MOCS1: variants seen among roughly 807,000 people sequenced by gnomAD.
MOCS1 encodes the protein molybdenum cofactor biosynthesis protein 1.
MOCS1 carries 39 observed loss-of-function variants against 57.6 expected under a neutral mutation model. The observed-to-expected ratio is 0.68, with a 90% CI of 0.52 to 0.88. MOCS1 has a LOEUF of 0.88. Ranked by LOEUF, MOCS1 falls within the 40% of genes least tolerant of loss-of-function variation. The pLI is 0.00. For synonymous variants in MOCS1, 334 were observed against 335.7 expected, an observed-to-expected ratio of 1.00 and a Z score of 0.05; for missense variants, 795 against 831.1, an observed-to-expected ratio of 0.96 and a Z score of 0.53.
chr6:39,930,484 T>C (rs1173790865), intron 1 of MOCS1, among the ~76,000 whole-genome samples: 1 of 152,220 alleles, frequency 6.6e-6, no homozygotes, highest in Non-Finnish European at 1.5e-5. Context: ...CAAATAGTCC[T>C]GTCCCTAATG....
chr6:39,919,214 G>A (rs1410875032), intron 3 of MOCS1, among the ~76,000 whole-genome samples: 1 of 152,206 alleles, frequency 6.6e-6, no homozygotes, highest in Non-Finnish European at 1.5e-5. Flanking sequence ...GCCAGGCACG[G>A]TGGCTGATGG....
Position 39,912,269 on chromosome 6 carries a change from G to A in MOCS1, c.976C>T (p.Leu326Phe). Reference sequence around the variant, plus strand: ...GTGGAGGAGGGGATGCTCACCTTGAGGTTCCCATCAGCTGTGATTCGCAGG... The same window carrying A: ...GTGGAGGAGGGGATGCTCACCTTGAAGTTCCCATCAGCTGTGATTCGCAGG... ...NRLRITADGN[L>F]KVCLFGNSEV... The change falls in exon 8 of 11, where the codon CTC (leucine) becomes TTC (phenylalanine). Residue 326 changes from leucine to phenylalanine, a missense_variant. Leu to Phe is a conservative substitution (Grantham distance 22, BLOSUM62 0). Transcript: ENST00000340692. 6.2e-7 allele frequency: 1 copy of A among 1,610,772 alleles called. No individual in the cohort carries two copies. The highest frequency in any genetic ancestry group is 1.1e-5 in the South Asian group (1 of 90,960).
chr6:39,925,444 G>C (rs1768221134), intron 3 of MOCS1, among the ~76,000 whole-genome samples: 1 of 152,198 alleles, frequency 6.6e-6, no homozygotes, highest in Non-Finnish European at 1.5e-5. Flanking sequence ...GTGACAGCAA[G>C]CTACTGAGGT....
chr6:39,906,299 AG>A lies in MOCS1; in HGVS notation c.*57del, dbSNP rs774060747. The A allele has an allele frequency of 1.3e-6, 2 of 1,596,808 alleles. No individual in the cohort carries two copies. Among genetic ancestry groups the A allele is most frequent in the Admixed American group, 3.3e-5 (2 of 59,874 alleles). The stretch of plus-strand genomic sequence containing the variant: ...TAAAGGAACCTGACGTCTTTCCCTC[AG>A]CCTACATTGCATCCCAGCTCCAGGC... On this transcript the variant is annotated 3_prime_UTR_variant, in exon 11 of 11. Transcript: ENST00000340692.
chr6:39,912,303 G>T lies in MOCS1; in HGVS notation c.942C>A (p.Thr314=). 2.5e-6 allele frequency: 4 copies of T among 1,613,766 alleles called. No individual in the cohort carries two copies. Among genetic ancestry groups the T allele is most frequent in the Non-Finnish European group, 3.4e-6 (4 of 1,180,016 alleles). The change falls in exon 8 of 11, where the codon ACC becomes ACA. Residue 314 remains threonine, a synonymous_variant. Transcript: ENST00000340692. ...CAGCTGTGATTCGCAGGCGGTTGCA[G>T]GTCCCACAGAAATGCTCAGACATGG... ...ITSMSEHFCG[T]CNRLRITADG...
At chr6:39,916,307 A>AGG in intron 3 of MOCS1, 75 bp from the exon 4 acceptor site, 8 of 1,579,756 alleles carry the variant, frequency 5.1e-6, no homozygotes, top group Non-Finnish European at 6.9e-6. Flanking sequence ...TGGAAGGCAA[A>AGG]ACTCTTTGTC....
chr6:39,914,416 A>G (rs1161160482), intron 4 of MOCS1, among the ~76,000 whole-genome samples: 2 of 152,246 alleles, frequency 1.3e-5, no homozygotes, highest in African/African-American at 4.8e-5. Context: ...TCAACAGTCC[A>G]TCAATTATTC....
chr6:39,904,593 G>A lies in MOCS1; in HGVS notation c.*1764C>T, dbSNP rs1378700945. 1 of 453,418 alleles carries A rather than the reference G, an allele frequency of 2.2e-6. No individual in the cohort carries two copies. Among genetic ancestry groups the A allele is most frequent in the South Asian group, 1.6e-5 (1 of 64,450 alleles). The allele number at this position is 453,418 out of a possible 1,614,324, so 28.1% of individuals were successfully genotyped here. A position where few individuals can be genotyped will look rare whatever the true frequency, so the allele number is the denominator to read the frequency against. On this transcript the variant is annotated 3_prime_UTR_variant, in exon 11 of 11. Coordinates refer to ENST00000340692, the MANE Select transcript of MOCS1 (RefSeq NM_001358530.2). The stretch of plus-strand genomic sequence containing the variant: ...CCCTGTGATGGAAATAAAGTGTTTA[G>A]GGCAGTGGGAGGAGAAAATTCTCCA...
rs1483982260 is a variant in MOCS1 at position 39,904,478 on chromosome 6, A to G, written c.*1879T>C. 2.2e-6 allele frequency: 1 copy of G among 454,352 alleles called. No individual in the cohort carries two copies. Among genetic ancestry groups the G allele is most frequent in the East Asian group, 6.9e-5 (1 of 14,394 alleles). The allele number at this position is 454,352 out of a possible 1,614,324, so 28.1% of individuals were successfully genotyped here. ...TCATGCCCTCCCCACTGCTCCTGCCACCTTTAGATAAGTTTCTCTAGCTAA... is the reference window on the plus strand; with the variant it reads ...TCATGCCCTCCCCACTGCTCCTGCCGCCTTTAGATAAGTTTCTCTAGCTAA... On this transcript the variant is annotated 3_prime_UTR_variant, in exon 11 of 11. Coordinates refer to ENST00000340692, the MANE Select transcript of MOCS1 (RefSeq NM_001358530.2).
Position 39,909,963 on chromosome 6 carries a change from TG to T in MOCS1, c.982-9del. ...GTTTCCAAAGAGGCAGACCTACATG[TG>T]GGTGAGGACAATATGCCTTCCTTAC... On this transcript the variant is annotated splice_polypyrimidine_tract_variant and intron_variant, in intron 8 of 10. Transcript: ENST00000340692. 6.2e-7 allele frequency: 1 copy of T among 1,612,960 alleles called. No individual in the cohort carries two copies. The highest frequency in any genetic ancestry group is 8.5e-7 in the Non-Finnish European group (1 of 1,179,970).
intron 9 of MOCS1, 47 bp downstream of exon 9, chr6:39,909,788 C>T: frequency 6.2e-7 from 1 of 1,607,872 alleles, no homozygotes; most frequent in Non-Finnish European, 8.5e-7. Context: ...CTCCCAGGGA[C>T]AAGGCCCACT....
At chr6:39,913,558 C>A in intron 5 of MOCS1, 130 bp from the exon 6 acceptor site, 1 of 973,824 alleles carries the variant, frequency 1.0e-6, no homozygotes. Context: ...CCACTCAGTT[C>A]TCTAAGTTAC....
In MOCS1 at chr6:39,913,745, G is replaced by A. The variant is rs533423664; in HGVS notation, c.645+29C>T. ...GGCCAGGGCAGTGTGGAGGGAAGTC[G>A]GGAATCTACGGCAGGGGCACGGCCT... On this transcript the variant is annotated intron_variant, in intron 5 of 10. Transcript: ENST00000340692. The A allele has an allele frequency of 4.2e-5, 68 of 1,612,750 alleles. No individual in the cohort carries two copies. The East Asian group carries it at 8.0e-4, about 19-fold the overall frequency.
chr6:39,921,749 A>T (rs1446202850), intron 3 of MOCS1, among the ~76,000 whole-genome samples: 4 of 152,218 alleles, frequency 2.6e-5, no homozygotes, highest in Non-Finnish European at 4.4e-5. Context: ...AAGAAAAAGG[A>T]AAGGAAGAAG....
At chr6:39,915,269 T>TA (rs144386048) in intron 4 of MOCS1, among the ~76,000 whole-genome samples, 4,313 of 151,952 alleles carry the variant, frequency 0.028, 121 homozygotes, top group Admixed American at 0.088. Context: ...ACATGGAGGG[T>TA]ATTAAGCAAG....
intron 3 of MOCS1, among the ~76,000 whole-genome samples, chr6:39,920,724 A>C (rs1235995965): frequency 6.6e-6 from 1 of 152,186 alleles, no homozygotes; most frequent in East Asian, 1.9e-4. Context: ...CATGCCTGTA[A>C]TCCCAGCACT....
At chr6:39,915,683 C>T (rs762189061) in intron 4 of MOCS1, among the ~76,000 whole-genome samples, 3 of 152,078 alleles carry the variant, frequency 2.0e-5, no homozygotes, top group Admixed American at 6.5e-5. Context: ...ACACCCAGAC[C>T]CTGGCATCCC....
intron 3 of MOCS1, among the ~76,000 whole-genome samples, chr6:39,919,358 T>A (rs2149410867): frequency 6.6e-6 from 1 of 152,134 alleles, no homozygotes; most frequent in East Asian, 1.9e-4. Flanking sequence ...GGTGGTGGCA[T>A]ATGCCTGTAA....
intron 1 of MOCS1, among the ~76,000 whole-genome samples, chr6:39,931,926 G>A (rs537991233): frequency 6.6e-6 from 1 of 152,124 alleles, no homozygotes; most frequent in East Asian, 1.9e-4. Context: ...AGATTGTCTG[G>A]GCCACCCCAG....
Sources: gnomAD v4.1 joint callset for allele counts (sites outside exome capture counted in the v4.1 genomes callset) on GRCh38, gnomAD v4.1.1 for gene constraint, MANE v1.5 for transcripts, NCBI Gene and HGNC (gene_info 2026-07-23, HGNC 2026-07-21) for gene names.